Variants in LAMA2 observed in about 807,000 individuals in gnomAD.
The protein encoded by LAMA2 is laminin subunit alpha 2.
LAMA2 carries 269 observed loss-of-function variants against 364.8 expected under a neutral mutation model. That is an observed-to-expected ratio of 0.74 (90% CI 0.67 to 0.82). The LOEUF is 0.82. LAMA2 is among the 40% of genes least tolerant of loss of function. The pLI is 0.00. For synonymous variants in LAMA2, 1,379 were observed against 1,370.6 expected, an observed-to-expected ratio of 1.01 and a Z score of -0.14; for missense variants, 3,807 against 3,873.2, an observed-to-expected ratio of 0.98 and a Z score of 0.45.
intron 3 of LAMA2, among the ~76,000 whole-genome samples, chr6:129,076,801 A>C (rs1442081797): frequency 6.6e-6 from 1 of 152,018 alleles, no homozygotes; most frequent in Non-Finnish European, 1.5e-5. Context: ...TGTTTTCACA[A>C]ATATTTTAAT....
intron 9 of LAMA2, among the ~76,000 whole-genome samples, chr6:129,172,583 T>C (rs185984039): frequency 2.6e-5 from 4 of 152,330 alleles, no homozygotes; most frequent in Admixed American, 6.5e-5. Context: ...TTCAAAGCTG[T>C]CAGAGGGACA....
chr6:129,492,875 C>T (rs919232193), intron 58 of LAMA2, among the ~76,000 whole-genome samples: 1 of 152,136 alleles, frequency 6.6e-6, no homozygotes, highest in Non-Finnish European at 1.5e-5. Context: ...GTTTCTAGGC[C>T]AGGCGCGGTG....
At chr6:129,345,659 A>G (rs952511560) in intron 30 of LAMA2, among the ~76,000 whole-genome samples, 2 of 152,174 alleles carry the variant, frequency 1.3e-5, no homozygotes, top group Admixed American at 6.5e-5. Flanking sequence ...TTTTTATATC[A>G]TAAGCCAGAA....
chr6:129,412,420 C>T (rs1368864931), intron 40 of LAMA2, among the ~76,000 whole-genome samples: 1 of 151,948 alleles, frequency 6.6e-6, no homozygotes, highest in Admixed American at 6.6e-5. Context: ...TTACCAAAAA[C>T]CAAGTACCAT....
rs1416391994 is a variant in LAMA2, at chr6:129,393,086, G to T, written c.5276G>T (p.Gly1759Val). 1 of 1,614,016 alleles carries T rather than the reference G, an allele frequency of 6.2e-7. No homozygotes were observed. Among genetic ancestry groups the T allele is most frequent in the Non-Finnish European group, 8.5e-7 (1 of 1,179,940 alleles). Residue 1759 changes from glycine (G) to valine (V), a missense_variant, in exon 37 of 65, where the codon GGA (glycine) becomes GTA (valine). Coordinates refer to ENST00000421865, the MANE Select transcript of LAMA2 (RefSeq NM_000426.4). Reference protein sequence around the residue: ...ALLKKVKKLFGESRGENEEME... With the variant: ...ALLKKVKKLFVESRGENEEME... ...CTGAAAAAAGTGAAGAAGCTGTTTG[G>T]AGAGTCCCGGGGGGAAAATGAAGAA...
In LAMA2 at chr6:129,123,989, A is replaced by C. The variant is rs544886053; in HGVS notation, c.640-19912A>C. The stretch of plus-strand genomic sequence containing the variant: ...ACGGTGGTGATGGTTTCGCTGGTGC[A>C]TACTTATCTCCAAACTCATTAGGTT... On this transcript the variant is annotated intron_variant, in intron 4 of 64. Coordinates refer to ENST00000421865, the MANE Select transcript of LAMA2 (RefSeq NM_000426.4). Among the ~76,000 whole-genome samples the C allele has an allele frequency of 3.3e-5, 5 of 152,326 alleles. No homozygotes were observed. The South Asian group carries it at 1.0e-3, about 32-fold the overall frequency.
chr6:129,279,998 T>C, intron 17 of LAMA2, 63 bp from the exon 18 acceptor site: 1 of 1,064,856 alleles, frequency 9.4e-7, no homozygotes, highest in Non-Finnish European at 1.5e-6. Context: ...AATGAGAAAA[T>C]GCTAATGACT....
chr6:129,324,204 C>T (rs1192012195), intron 28 of LAMA2, among the ~76,000 whole-genome samples: 1 of 151,990 alleles, frequency 6.6e-6, no homozygotes, highest in Non-Finnish European at 1.5e-5. Flanking sequence ...TAGTTTATTT[C>T]CAGCAAACAT....
rs2114795047 is a variant in LAMA2, at chr6:129,456,464, G to C, written c.6837G>C (p.Leu2279=). The C allele has an allele frequency of 6.2e-7, 1 of 1,613,510 alleles. No individual in the cohort carries two copies. The highest frequency in any genetic ancestry group is 2.2e-5 in the East Asian group (1 of 44,854). The stretch of plus-strand genomic sequence containing the variant: ...TAGATGTGGATGCAAATGCAATGCT[G>C]TTTGTTGGTGGCCTGACTGGGAAAT... ...TILDVDANAM[L]FVGGLTGKLK... is the part of the protein sequence containing the mutation. Residue 2279 remains leucine (L), a synonymous_variant, in exon 48 of 65, where the codon CTG becomes CTC. Transcript: ENST00000421865.
intron 41 of LAMA2, chr6:129,437,074 G>A (rs1781869212): frequency 6.6e-6 from 1 of 152,088 alleles, no homozygotes; most frequent in Non-Finnish European, 1.5e-5. Context: ...AGGAAGAAAA[G>A]GTTGAGGGTG....
intron 2 of LAMA2, among the ~76,000 whole-genome samples, chr6:129,056,843 G>A (rs1274979991): frequency 2.0e-5 from 3 of 151,564 alleles, no homozygotes; most frequent in African/African-American, 7.3e-5. Flanking sequence ...TGATTCTCCT[G>A]CCTCAGCCTC....
chr6:129,024,126 C>T (rs1460131656), intron 1 of LAMA2, among the ~76,000 whole-genome samples: 3 of 151,956 alleles, frequency 2.0e-5, no homozygotes, highest in South Asian at 2.1e-4. Context: ...CATTTCTGAA[C>T]GTTAATTTGT....
intron 12 of LAMA2, among the ~76,000 whole-genome samples, chr6:129,219,937 G>T (rs138186904): frequency 0.11 from 16,151 of 149,636 alleles, 2,473 homozygotes; most frequent in African/African-American, 0.34. Flanking sequence ...ACTGGCACAT[G>T]GTGCACATGT....
At position 129,326,202 on chromosome 6, in the gene LAMA2, G is replaced by A. The variant is rs146616937; in HGVS notation, c.4177-2076G>A. Among the ~76,000 whole-genome samples, 530 of 152,262 alleles carry A rather than the reference G, an allele frequency of 3.5e-3. 3 individuals are homozygous for A. Among genetic ancestry groups the A allele is most frequent in the Non-Finnish European group, 5.6e-3 (380 of 68,028 alleles). On this transcript the variant is annotated intron_variant, in intron 28 of 64. Transcript: ENST00000421865. ...AGAGAATAAGGAGCTTGCCAGTGAC[G>A]CTGCGCTCTAATTGTCTGTTAGACT...
intron 1 of LAMA2, among the ~76,000 whole-genome samples, chr6:128,997,565 C>T (rs1473799924): frequency 6.6e-6 from 1 of 151,768 alleles, no homozygotes; most frequent in Non-Finnish European, 1.5e-5. Context: ...GAGGCTGAGG[C>T]AGGTGGATCA....
At chr6:128,989,802 A>G (rs1783494815) in intron 1 of LAMA2, among the ~76,000 whole-genome samples, 2 of 152,210 alleles carry the variant, frequency 1.3e-5, no homozygotes. Flanking sequence ...TTTATTTCTC[A>G]CAGTCTGGAG....
intron 1 of LAMA2, among the ~76,000 whole-genome samples, chr6:128,998,330 C>T (rs914250456): frequency 2.6e-5 from 4 of 152,228 alleles, no homozygotes; most frequent in South Asian, 2.1e-4. Context: ...CACAACCTAT[C>T]TCTAGATCTT....
At chr6:129,079,801 G>T (rs919152274) in intron 3 of LAMA2, among the ~76,000 whole-genome samples, 1 of 152,032 alleles carries the variant, frequency 6.6e-6, no homozygotes, top group Non-Finnish European at 1.5e-5. Context: ...TGCTTAGCTT[G>T]TAAGTACATA....
chr6:129,307,495 T>G (rs1307319672), intron 22 of LAMA2, among the ~76,000 whole-genome samples: 10 of 152,232 alleles, frequency 6.6e-5, no homozygotes, highest in Non-Finnish European at 1.2e-4. Flanking sequence ...CTCCACTCTT[T>G]GTCTCTCAAC....
Sources: gnomAD v4.1 joint callset for allele counts (sites outside exome capture counted in the v4.1 genomes callset) on GRCh38, gnomAD v4.1.1 for gene constraint, MANE v1.5 for transcripts, NCBI Gene and HGNC (gene_info 2026-07-23, HGNC 2026-07-21) for gene names.